RAB5C: variants seen among roughly 807,000 people sequenced by gnomAD.
RAB5C encodes the protein ras-related protein Rab-5C.
A neutral mutation model predicts 25.2 loss-of-function variants in RAB5C; 4 were observed. The ratio of observed to expected loss-of-function variants is 0.16; its 90% confidence interval spans 0.08 to 0.36. The LOEUF (loss-of-function observed/expected upper bound fraction) is 0.36. Ranked by LOEUF, RAB5C falls within the 10% of genes least tolerant of loss-of-function variation. The pLI, the probability that RAB5C is intolerant of heterozygous loss-of-function variation, is 1.00. For missense variants in RAB5C, 199 were observed against 283.8 expected (o/e 0.70, Z 2.15); for synonymous variants, 100 against 106.4 (o/e 0.94, Z 0.37).
chr17:42,127,339 TAGA>T (rs1293357226), intron 4 of RAB5C, among the ~76,000 whole-genome samples: 1 of 152,126 alleles, frequency 6.6e-6, no homozygotes, highest in African/African-American at 2.4e-5. Context: ...CTGGGGAAAT[TAGA>T]AGAAGAGAAG....
At chr17:42,144,293 C>G (rs546121927) in intron 1 of RAB5C, among the ~76,000 whole-genome samples, 2 of 150,522 alleles carry the variant, frequency 1.3e-5, no homozygotes, top group African/African-American at 4.9e-5. Context: ...CCCGTAGCTA[C>G]TAATAATACA....
chr17:42,132,542 A>C (rs75319707), intron 1 of RAB5C, among the ~76,000 whole-genome samples: 1 of 151,998 alleles, frequency 6.6e-6, no homozygotes, highest in Admixed American at 6.6e-5. Flanking sequence ...GGAAGGAAAT[A>C]ATTTTTTTTT....
intron 1 of RAB5C, among the ~76,000 whole-genome samples, chr17:42,140,510 TA>T (rs2054585223): frequency 1.4e-4 from 5 of 34,790 alleles, no homozygotes; most frequent in East Asian, 5.0e-4. Context: ...TATATATATA[TA>T]TATATTTTTT....
In RAB5C at chr17:42,125,705, A is replaced by C. The variant is rs2054413802; in HGVS notation, c.*78T>G. 2.0e-6 allele frequency: 2 copies of C among 1,015,092 alleles called. No homozygotes were observed. The highest frequency in any genetic ancestry group is 3.2e-5 in the African/African-American group (2 of 62,856). 62.9% of individuals were successfully genotyped at this position (1,015,092 alleles called of 1,614,324 possible). A position where few individuals can be genotyped will look rare whatever the true frequency, so the allele number is the denominator to read the frequency against. ...CCCCCCAGTGGTGGCCCGAGTCGTTAAGTGCGATTGGTTAGAGTGGATTCC... is the reference window on the plus strand; with the variant it reads ...CCCCCCAGTGGTGGCCCGAGTCGTTCAGTGCGATTGGTTAGAGTGGATTCC... On this transcript the variant is annotated 3_prime_UTR_variant, in exon 6 of 6. Coordinates refer to ENST00000346213, the MANE Select transcript of RAB5C (RefSeq NM_004583.4).
chr17:42,130,780 C>T (rs1209390003), intron 1 of RAB5C, among the ~76,000 whole-genome samples, 190 bp from the exon 2 acceptor site: 1 of 151,616 alleles, frequency 6.6e-6, no homozygotes, highest in East Asian at 1.9e-4. Context: ...TCTACCGGCT[C>T]TACCACCATC....
intron 4 of RAB5C, among the ~76,000 whole-genome samples, chr17:42,127,058 T>G (rs2054434052): frequency 6.6e-6 from 1 of 152,212 alleles, no homozygotes; most frequent in Admixed American, 6.5e-5. Context: ...CTAGCAGATG[T>G]CTTACCCGGG....
chr17:42,148,585 C>T (rs911483107), intron 1 of RAB5C, among the ~76,000 whole-genome samples: 1 of 152,088 alleles, frequency 6.6e-6, no homozygotes, highest in Non-Finnish European at 1.5e-5. Flanking sequence ...AAAGGGCTCA[C>T]CCACCAGAGA....
intron 1 of RAB5C, among the ~76,000 whole-genome samples, chr17:42,145,000 A>G (rs2079625491): frequency 7.2e-6 from 1 of 139,254 alleles, no homozygotes; most frequent in African/African-American, 2.6e-5. Flanking sequence ...TCTCTACTAA[A>G]AAAAATACAA....
chr17:42,147,726 C>G (rs2079645999), intron 1 of RAB5C, among the ~76,000 whole-genome samples: 1 of 152,152 alleles, frequency 6.6e-6, no homozygotes, highest in South Asian at 2.1e-4. Flanking sequence ...GCTGTGGGAT[C>G]AGATGGATTT....
chr17:42,130,716 CCT>C, intron 1 of RAB5C, 126 bp from the exon 2 acceptor site: 1 of 1,168,870 alleles, frequency 8.6e-7, no homozygotes, highest in East Asian at 2.6e-5. Flanking sequence ...CCTCACCTCA[CCT>C]CCCTGCCCTC....
At chr17:42,148,535 T>G (rs1224900725) in intron 1 of RAB5C, among the ~76,000 whole-genome samples, 1 of 151,774 alleles carries the variant, frequency 6.6e-6, no homozygotes, top group Non-Finnish European at 1.5e-5. Flanking sequence ...TGCCAGGTCC[T>G]AAACACACAA....
intron 4 of RAB5C, among the ~76,000 whole-genome samples, chr17:42,127,552 T>G (rs2054439365): frequency 6.6e-6 from 1 of 151,322 alleles, no homozygotes; most frequent in Non-Finnish European, 1.5e-5. Flanking sequence ...CTTTTCTTTT[T>G]TTTTTTTTTG....
intron 1 of RAB5C, among the ~76,000 whole-genome samples, chr17:42,136,702 G>C (rs2054539980): frequency 6.6e-6 from 1 of 152,148 alleles, no homozygotes. Flanking sequence ...AGAATTGGTA[G>C]TCAGAGCCCA....
In RAB5C at chr17:42,154,431, G is replaced by A. The variant is rs1598262247; in HGVS notation, c.-89+462C>T. On this transcript the variant is annotated intron_variant, in intron 1 of 5. Coordinates refer to ENST00000346213, the MANE Select transcript of RAB5C (RefSeq NM_004583.4). ...CACACACTTCTGTGCGTGTGGAACG[G>A]TCTCACCCAGACGACCCCCCTCCCC... 2.0e-5 allele frequency among the ~76,000 whole-genome samples: 3 copies of A among 152,264 alleles called. No homozygotes were observed. In the East Asian group the frequency reaches 5.8e-4, roughly 29 times the overall value.
Position 42,128,656 on chromosome 17 carries a change from G to A in RAB5C, c.311C>T (p.Thr104Ile), listed in dbSNP as rs1598243915. 2 of 1,489,640 alleles carry A rather than the reference G, an allele frequency of 1.3e-6. No homozygotes were observed. Among genetic ancestry groups the A allele is most frequent in the East Asian group, 2.4e-5 (1 of 41,110 alleles). 92.3% of individuals were successfully genotyped at this position (1,489,640 alleles called of 1,614,324 possible). ...GCAAGGGGAAATCTTTACTGTGTTG[G>A]TGATGTCATAGACCACGATGGCAGC... ...AQAAIVVYDI[T>I]NTDTFARAKN... The change falls in exon 3 of 6, where the codon ACC becomes ATC. Residue 104 changes from threonine to isoleucine, a missense_variant. Physicochemically the swap from Thr to Ile is moderately conservative, Grantham distance 89 (BLOSUM62 -1). Transcript: ENST00000346213.
intron 2 of RAB5C, 165 bp downstream of exon 2, chr17:42,130,172 A>G: frequency 1.1e-6 from 1 of 920,074 alleles, no homozygotes; most frequent in Non-Finnish European, 1.6e-6. Flanking sequence ...TCTGGCATGG[A>G]GACCAGTTGC....
intron 5 of RAB5C, 38 bp downstream of exon 5, chr17:42,126,717 G>T: frequency 1.5e-6 from 2 of 1,375,594 alleles, no homozygotes; most frequent in Non-Finnish European, 1.0e-6. Flanking sequence ...ATATGCCCTT[G>T]CTGTGGTGGA....
At chr17:42,131,892 G>A (rs958283928) in intron 1 of RAB5C, 2 of 353,746 alleles carry the variant, frequency 5.7e-6, no homozygotes, top group East Asian at 5.7e-5. Flanking sequence ...AATATATACA[G>A]AATGTTTTAC....
At chr17:42,154,764 C>T (rs2079695923) in intron 1 of RAB5C, 129 bp downstream of exon 1, 1 of 152,378 alleles carries the variant, frequency 6.6e-6, no homozygotes, top group Non-Finnish European at 1.5e-5. Flanking sequence ...TGGGGAGCCC[C>T]TCAAGAGGGG....
Sources: gnomAD v4.1 joint callset for allele counts (sites outside exome capture counted in the v4.1 genomes callset) on GRCh38, gnomAD v4.1.1 for gene constraint, MANE v1.5 for transcripts, NCBI Gene and HGNC (gene_info 2026-07-23, HGNC 2026-07-21) for gene names.